CYB5RL: variants seen among roughly 807,000 people sequenced by gnomAD.
CYB5RL encodes NADH-cytochrome b5 reductase-like.
Under a neutral mutation model 37.5 loss-of-function variants are expected in CYB5RL, and 38 were observed. That is an observed-to-expected ratio of 1.01 (90% CI 0.78 to 1.33). The LOEUF (loss-of-function observed/expected upper bound fraction) is 1.33. Among genes scored for constraint, CYB5RL ranks in the 40% most tolerant of loss-of-function variants. The pLI is 0.00. For missense variants in CYB5RL, 388 were observed against 394.4 expected (o/e 0.98, Z 0.14); for synonymous variants, 141 against 151.9 (o/e 0.93, Z 0.53).
chr1:54,174,683 G>T lies in CYB5RL; in HGVS notation c.884C>A (p.Thr295Asn), dbSNP rs1450971718. ...CAGTAAGCACCTGGCTATGTCTTTG[G>T]TGAACTCAGCCGAGCCACAGACCAG... is the stretch of plus-strand genomic sequence containing the variant. ...FALVCGSAEF[T>N]KDIARCLLCA... Residue 295 changes from threonine (T) to asparagine (N), a missense_variant, in exon 8 of 8, where the codon ACC becomes AAC. Thr to Asn is a moderately conservative substitution (Grantham distance 65). Coordinates refer to ENST00000534324, the MANE Select transcript of CYB5RL (RefSeq NM_001031672.4). 2.5e-6 allele frequency: 4 copies of T among 1,613,642 alleles called. No individual in the cohort carries two copies. The South Asian group carries it at 4.4e-5, about 18-fold the overall frequency.
intron 1 of CYB5RL, among the ~76,000 whole-genome samples, chr1:54,198,024 T>A (rs1644025765): frequency 1.2e-5 from 1 of 85,854 alleles, no homozygotes; most frequent in Non-Finnish European, 2.0e-5. Context: ...TGAGACTCTG[T>A]CTCAAAAAAA....
chr1:54,193,314 G>A (rs1202663751), intron 3 of CYB5RL, among the ~76,000 whole-genome samples: 1 of 152,256 alleles, frequency 6.6e-6, no homozygotes, highest in African/African-American at 2.4e-5. Flanking sequence ...TTGGCAAGAA[G>A]ATGGACGATA....
At chr1:54,178,938 C>T (rs112026912) in intron 7 of CYB5RL, among the ~76,000 whole-genome samples, 5 of 152,318 alleles carry the variant, frequency 3.3e-5, no homozygotes, top group African/African-American at 1.2e-4. Flanking sequence ...CAGCGTGAGC[C>T]GGTGGGCAGC....
intron 4 of CYB5RL, among the ~76,000 whole-genome samples, chr1:54,189,217 T>A (rs976278719): frequency 1.3e-4 from 18 of 143,026 alleles, no homozygotes; most frequent in African/African-American, 4.1e-4. Context: ...TAAATGCATA[T>A]GAAACAAATG....
chr1:54,189,846 G>A (rs564525556), intron 4 of CYB5RL, among the ~76,000 whole-genome samples: 42 of 152,350 alleles, frequency 2.8e-4, no homozygotes, highest in Non-Finnish European at 1.3e-4. Flanking sequence ...GCCAGAGTCT[G>A]AGCAGCAGTG....
In CYB5RL at chr1:54,179,278, G is replaced by A. The variant is rs1006307652; in HGVS notation, c.615C>T (p.Asp205=). 6 of 1,613,882 alleles carry A rather than the reference G, an allele frequency of 3.7e-6. No homozygotes were observed. In the Middle Eastern group the frequency reaches 6.6e-4, roughly 178 times the overall value. The part of the protein sequence containing the change: ...PMVPILQSIT[D]NENDETFVTL... ...TGACAAAAGTCTCGTCATTCTCATT[G>A]TCTGTGATGCTCTGCAGGATAGGCA... The change falls in exon 7 of 8, where the codon GAC becomes GAT. Residue 205 remains aspartate, a synonymous_variant. Transcript: ENST00000534324.
chr1:54,182,302 T>C (rs1660178048), intron 6 of CYB5RL, among the ~76,000 whole-genome samples: 1 of 152,206 alleles, frequency 6.6e-6, no homozygotes. Context: ...GGTCTGAGCC[T>C]GGCACACATG....
chr1:54,183,040 T>C (rs1476499763), intron 6 of CYB5RL, among the ~76,000 whole-genome samples: 1 of 152,234 alleles, frequency 6.6e-6, no homozygotes, highest in Non-Finnish European at 1.5e-5. Flanking sequence ...GCTGCTAACA[T>C]TTCATTGCAT....
rs757206577 is a variant in CYB5RL, at chr1:54,174,277, T to C, written c.*342A>G. On this transcript the variant is annotated 3_prime_UTR_variant, in exon 8 of 8. Coordinates refer to ENST00000534324, the MANE Select transcript of CYB5RL (RefSeq NM_001031672.4). ...CTCTAATCGGAGGGGCCAGGGAAGC[T>C]CCTCCCGACTCTTCCCCTGCCCAAC... The C allele has an allele frequency of 1.1e-4, 37 of 331,702 alleles. No homozygotes were observed. Among genetic ancestry groups the C allele is most frequent in the Non-Finnish European group, 2.0e-4 (35 of 171,614 alleles). The allele number at this position is 331,702 out of a possible 1,614,324, so 20.5% of individuals were successfully genotyped here.
chr1:54,195,634 C>G lies in CYB5RL; in HGVS notation c.-18G>C. ...GCCATCATCAGTGGGGCTTGGGCAGCCTAGAAGGAACAACTGGGTGCTCTT... is the reference window on the plus strand; with the variant it reads ...GCCATCATCAGTGGGGCTTGGGCAGGCTAGAAGGAACAACTGGGTGCTCTT... On this transcript the variant is annotated 5_prime_UTR_variant, in exon 3 of 8. Coordinates refer to ENST00000534324, the MANE Select transcript of CYB5RL (RefSeq NM_001031672.4). 1 of 1,589,250 alleles carries G rather than the reference C, an allele frequency of 6.3e-7. No individual in the cohort carries two copies.
chr1:54,190,257 T>C (rs942941317), intron 4 of CYB5RL, among the ~76,000 whole-genome samples: 1 of 152,248 alleles, frequency 6.6e-6, no homozygotes, highest in African/African-American at 2.4e-5. Context: ...GTTTAAATCC[T>C]GGCTCCGTGA....
chr1:54,192,911 C>T (rs1333696186), intron 3 of CYB5RL, among the ~76,000 whole-genome samples: 1 of 152,090 alleles, frequency 6.6e-6, no homozygotes, highest in Non-Finnish European at 1.5e-5. Flanking sequence ...CGTGCCACCA[C>T]GTCTGGCTAA....
At chr1:54,176,073 G>C (rs1233584811) in intron 7 of CYB5RL, among the ~76,000 whole-genome samples, 1 of 152,266 alleles carries the variant, frequency 6.6e-6, no homozygotes, top group Non-Finnish European at 1.5e-5. Context: ...GATTGGTGGG[G>C]AGTGGAGCTC....
At chr1:54,177,998 C>T (rs1369476017) in intron 7 of CYB5RL, among the ~76,000 whole-genome samples, 2 of 152,228 alleles carry the variant, frequency 1.3e-5, no homozygotes, top group Non-Finnish European at 2.9e-5. Flanking sequence ...GCCCATGCTG[C>T]TGGGCAACAG....
At chr1:54,179,401 C>T in intron 6 of CYB5RL, 49 bp from the exon 7 acceptor site, 1 of 1,563,228 alleles carries the variant, frequency 6.4e-7, no homozygotes, top group Admixed American at 1.8e-5. Flanking sequence ...GAGAGTCTCA[C>T]CTTATCCCCT....
At chr1:54,198,763 C>G (rs1644041651) in intron 1 of CYB5RL, among the ~76,000 whole-genome samples, 1 of 151,688 alleles carries the variant, frequency 6.6e-6, no homozygotes, top group South Asian at 2.1e-4. Flanking sequence ...TCCTGAGTAC[C>G]TAGATCTATA....
rs756215847 is a variant in CYB5RL at position 54,190,749 on chromosome 1, G to A, written c.346C>T (p.Arg116Ter). The A allele has an allele frequency of 2.8e-5, 44 of 1,552,610 alleles. No homozygotes were observed. Among genetic ancestry groups the A allele is most frequent in the South Asian group, 7.1e-5 (6 of 84,110 alleles). Reference sequence around the variant, plus strand: ...GGTCCTCCCGCTACCTGAGTGTACCGTAGGATGAGGTGCTGGCCGGGCCGC... The same window carrying A: ...GGTCCTCCCGCTACCTGAGTGTACCATAGGATGAGGTGCTGGCCGGGCCGC... ...GLRPGQHLIL[R>*]GIVDDLEIQR... is the part of the protein sequence containing the mutation. Residue 116 changes from arginine to a stop codon, truncating the protein, a stop_gained and splice_region_variant, in exon 4 of 8, where the codon CGA becomes TGA. Coordinates refer to ENST00000534324, the MANE Select transcript of CYB5RL (RefSeq NM_001031672.4). LOFTEE classifies it high-confidence loss of function.
intron 7 of CYB5RL, among the ~76,000 whole-genome samples, chr1:54,175,857 T>G (rs962798521): frequency 6.6e-6 from 1 of 152,162 alleles, no homozygotes; most frequent in Admixed American, 6.5e-5. Context: ...TATCAAGGAC[T>G]CGAGCATCCT....
rs1659935211 is a variant in CYB5RL, at chr1:54,173,227, A to C, written c.*1392T>G. 6.6e-6 allele frequency: 1 copy of C among 152,044 alleles called. No individual in the cohort carries two copies. Among genetic ancestry groups the C allele is most frequent in the Non-Finnish European group, 1.5e-5 (1 of 67,984 alleles). The allele number at this position is 152,044 out of a possible 1,614,324, so 9.4% of individuals were successfully genotyped here. On this transcript the variant is annotated 3_prime_UTR_variant, in exon 8 of 8. Transcript: ENST00000534324. ...TGACACAGCAGAGAGATTTGTTGCC[A>C]TTTTTTTTAGTGGCTAGGAAAATCC...
Sources: gnomAD v4.1 joint callset for allele counts (sites outside exome capture counted in the v4.1 genomes callset) on GRCh38, gnomAD v4.1.1 for gene constraint, MANE v1.5 for transcripts, NCBI Gene and HGNC (gene_info 2026-07-23, HGNC 2026-07-21) for gene names.